Variants in NEDD4L observed in about 807,000 individuals in gnomAD.
NEDD4L encodes the protein E3 ubiquitin-protein ligase NEDD4-like.
Under a neutral mutation model 148.9 loss-of-function variants are expected in NEDD4L, and 54 were observed. The observed-to-expected ratio is 0.36, with a 90% CI of 0.29 to 0.45. The LOEUF (loss-of-function observed/expected upper bound fraction) is 0.45, where lower values mean the gene tolerates loss of function less well. NEDD4L is among the 20% of genes least tolerant of loss of function. The pLI is 1.00. For synonymous variants in NEDD4L, 433 were observed against 440.7 expected, an observed-to-expected ratio of 0.98 and a Z score of 0.22; for missense variants, 856 against 1,233.8, an observed-to-expected ratio of 0.69 and a Z score of 4.59.
At chr18:58,379,078 G>A (rs1724041414) in intron 24 of NEDD4L, among the ~76,000 whole-genome samples, 1 of 152,234 alleles carries the variant, frequency 6.6e-6, no homozygotes, top group African/African-American at 2.4e-5. Flanking sequence ...CCCAGGCACA[G>A]GAGGGCGATG....
In NEDD4L at chr18:58,330,915, G is replaced by GT. The variant is rs1193709776; in HGVS notation, c.990+2dup. On this transcript the variant is annotated splice_donor_variant, in intron 11 of 30. Coordinates refer to ENST00000400345, the MANE Select transcript of NEDD4L (RefSeq NM_001144967.3). LOFTEE classifies it high-confidence loss of function. ...TGGGGAACAGTTCAGCTCTTTGATT[G>GT]TAAGTAGTGGCCTTGTTTGAAAGAA... 1 of 1,612,350 alleles carries GT rather than the reference G, an allele frequency of 6.2e-7. No individual in the cohort carries two copies. The highest frequency in any genetic ancestry group is 8.5e-7 in the Non-Finnish European group (1 of 1,178,912).
intron 25 of NEDD4L, among the ~76,000 whole-genome samples, 174 bp downstream of exon 25, chr18:58,383,493 A>C (rs1167723493): frequency 6.6e-6 from 1 of 152,228 alleles, no homozygotes; most frequent in Non-Finnish European, 1.5e-5. Flanking sequence ...TATGGGATGG[A>C]AAGTCTGTCT....
At chr18:58,142,263 C>T (rs528045451) in intron 1 of NEDD4L, among the ~76,000 whole-genome samples, 75 of 151,708 alleles carry the variant, frequency 4.9e-4, no homozygotes, top group Non-Finnish European at 7.1e-4. Context: ...TTAGCCCGTA[C>T]GGTCTCGATC....
chr18:58,146,274 G>A (rs142447737), intron 1 of NEDD4L, among the ~76,000 whole-genome samples: 109 of 152,292 alleles, frequency 7.2e-4, no homozygotes, highest in African/African-American at 2.5e-3. Flanking sequence ...CTAGAGATGA[G>A]GTGGTGCGTG....
intron 1 of NEDD4L, among the ~76,000 whole-genome samples, chr18:58,142,248 C>G (rs2033628710): frequency 1.3e-5 from 2 of 151,488 alleles, no homozygotes; most frequent in South Asian, 4.2e-4. Context: ...CGGGATTTCA[C>G]TGTGTTAGCC....
rs1943994 is a variant in NEDD4L, at chr18:58,373,417, T to C, written c.2352+148T>C. The C allele has an allele frequency of 0.95, 562,094 of 591,610 alleles. 267,299 individuals carry two copies. The highest frequency in any genetic ancestry group is 1 in the East Asian group (35,081 of 35,134). The allele number at this position is 591,610 out of a possible 1,614,324, so 36.6% of individuals were successfully genotyped here. ...TTTCATCTCATTGTAGCAGCACCTT[T>C]TTGTCATGCCAAGACGCCACACTCC... On this transcript the variant is annotated intron_variant, in intron 24 of 30. Coordinates refer to ENST00000400345, the MANE Select transcript of NEDD4L (RefSeq NM_001144967.3).
intron 1 of NEDD4L, among the ~76,000 whole-genome samples, chr18:58,055,095 G>A (rs939263255): frequency 1.3e-5 from 2 of 152,148 alleles, no homozygotes; most frequent in Non-Finnish European, 2.9e-5. Context: ...ATATTAAATA[G>A]AAAAAGTAGG....
chr18:58,365,629 A>G (rs911882213), intron 20 of NEDD4L, among the ~76,000 whole-genome samples: 1 of 152,198 alleles, frequency 6.6e-6, no homozygotes, highest in Non-Finnish European at 1.5e-5. Flanking sequence ...GGATTATTAC[A>G]GGTTTTGACT....
chr18:58,396,562 T>C lies in NEDD4L; in HGVS notation c.*293T>C, dbSNP rs2050504061. On this transcript the variant is annotated 3_prime_UTR_variant, in exon 31 of 31. Transcript: ENST00000400345. The stretch of plus-strand genomic sequence containing the variant: ...CTGCAGGCAAAGCCCTTAATAAATA[T>C]TTTACATCCTTTCTAATGACAATGA... 2 of 247,118 alleles carry C rather than the reference T, an allele frequency of 8.1e-6. No homozygotes were observed. Among genetic ancestry groups the C allele is most frequent in the South Asian group, 7.5e-5 (1 of 13,318 alleles). The allele number at this position is 247,118 out of a possible 1,614,324, so 15.3% of individuals were successfully genotyped here.
chr18:58,333,660 C>T (rs1405117948), intron 11 of NEDD4L, among the ~76,000 whole-genome samples, 158 bp from the exon 12 acceptor site: 1 of 152,198 alleles, frequency 6.6e-6, no homozygotes, highest in African/African-American at 2.4e-5. Flanking sequence ...ATAACTTTTT[C>T]AAGGATGACT....
chr18:58,155,082 A>T (rs747733052), intron 1 of NEDD4L, among the ~76,000 whole-genome samples: 1 of 152,198 alleles, frequency 6.6e-6, no homozygotes, highest in African/African-American at 2.4e-5. Context: ...TAGTCCATGG[A>T]CACAATCTAG....
chr18:58,110,589 C>T (rs568253900), intron 1 of NEDD4L, among the ~76,000 whole-genome samples: 3 of 152,334 alleles, frequency 2.0e-5, no homozygotes, highest in Admixed American at 6.5e-5. Flanking sequence ...GTGCTGTGGA[C>T]CTCAGTCCCC....
chr18:58,329,883 T>C (rs2059654767), intron 10 of NEDD4L, among the ~76,000 whole-genome samples: 1 of 152,202 alleles, frequency 6.6e-6, no homozygotes, highest in South Asian at 2.1e-4. Flanking sequence ...TCTCATTAAA[T>C]GACAGCTTGT....
intron 1 of NEDD4L, among the ~76,000 whole-genome samples, chr18:58,083,236 A>T (rs2083562025): frequency 6.6e-6 from 1 of 152,224 alleles, no homozygotes. Flanking sequence ...CAGTAACATG[A>T]TAATAACTAA....
chr18:58,215,273 A>T (rs1172105191), intron 2 of NEDD4L, among the ~76,000 whole-genome samples: 4 of 152,162 alleles, frequency 2.6e-5, no homozygotes, highest in Non-Finnish European at 4.4e-5. Flanking sequence ...GGTTGATGAG[A>T]GTACCAGTTT....
chr18:58,073,161 A>G (rs1476265917), intron 1 of NEDD4L, among the ~76,000 whole-genome samples: 1 of 152,208 alleles, frequency 6.6e-6, no homozygotes, highest in Non-Finnish European at 1.5e-5. Context: ...TAATACGGCC[A>G]ATACTCCCCA....
At chr18:58,121,982 A>G (rs1463386917) in intron 1 of NEDD4L, among the ~76,000 whole-genome samples, 1 of 152,190 alleles carries the variant, frequency 6.6e-6, no homozygotes, top group Non-Finnish European at 1.5e-5. Context: ...TAAAAAATAA[A>G]CTAGGTTTTT....
rs2043371626 is a variant in NEDD4L at position 58,348,326 on chromosome 18, C to CTTTTTTTTCTTTTTTTTTTTTTTTTT, written c.1576-1203_1576-1202insCTTTTTTTTTTTTTTTTTTTTTTTTT. Among the ~76,000 whole-genome samples the CTTTTTTTTCTTTTTTTTTTTTTTTTT allele has an allele frequency of 1.0e-4, 9 of 88,674 alleles. 1 individual carries two copies. The highest frequency in any genetic ancestry group is 4.9e-4 in the African/African-American group (9 of 18,520). The allele number at this position is 88,674 out of a possible 152,430, so 58.2% of individuals were successfully genotyped here. ...CACTGCATTTCTTTTTCTTTTTTTT[C>CTTTTTTTTCTTTTTTTTTTTTTTTTT]TTTTTTTTTTTTTTTTTTTTTTTGA... On this transcript the variant is annotated intron_variant, in intron 16 of 30. Transcript: ENST00000400345.
chr18:58,061,821 G>A (rs117579353), intron 1 of NEDD4L, among the ~76,000 whole-genome samples: 1,962 of 152,274 alleles, frequency 0.013, 26 homozygotes, highest in Non-Finnish European at 0.021. Context: ...ATTTGCTAGA[G>A]GTAAGGAGCC....
Sources: gnomAD v4.1 joint callset for allele counts (sites outside exome capture counted in the v4.1 genomes callset) on GRCh38, gnomAD v4.1.1 for gene constraint, MANE v1.5 for transcripts, NCBI Gene and HGNC (gene_info 2026-07-23, HGNC 2026-07-21) for gene names.